The following COL24A1 variants were observed in gnomAD, a reference collection of about 807,000 sequenced individuals.
COL24A1 encodes the protein collagen alpha-1(XXIV) chain.
In COL24A1, 224 loss-of-function variants were observed where a neutral mutation model predicts 253.9. The ratio of observed to expected loss-of-function variants is 0.88; its 90% CI spans 0.79 to 0.99. COL24A1 has a LOEUF of 0.99. Ranked by LOEUF, COL24A1 falls within the 50% of genes least tolerant of loss-of-function variation. COL24A1 has a pLI of 0.00. For synonymous variants in COL24A1, 685 were observed against 673.7 expected, an observed-to-expected ratio of 1.02 and a Z score of -0.26; for missense variants, 2,131 against 2,068.5, an observed-to-expected ratio of 1.03 and a Z score of -0.59.
chr1:85,821,128 G>T (rs546349514), intron 45 of COL24A1, among the ~76,000 whole-genome samples: 12 of 152,156 alleles, frequency 7.9e-5, no homozygotes, highest in African/African-American at 2.7e-4. Flanking sequence ...TTGAGTCTTG[G>T]TCTTTGAGAG....
intron 19 of COL24A1, among the ~76,000 whole-genome samples, chr1:86,003,559 A>G (rs1273264570): frequency 6.6e-6 from 1 of 152,146 alleles, no homozygotes; most frequent in Non-Finnish European, 1.5e-5. Context: ...TCAGCTTGGT[A>G]GGCAGTTCTA....
chr1:86,017,816 C>G (rs1236468760), intron 18 of COL24A1, among the ~76,000 whole-genome samples: 2 of 152,148 alleles, frequency 1.3e-5, no homozygotes, highest in South Asian at 4.1e-4. Flanking sequence ...AAATGTCAAC[C>G]AATTTTACAA....
At chr1:86,007,719 T>C (rs1436018314) in intron 19 of COL24A1, among the ~76,000 whole-genome samples, 1 of 152,166 alleles carries the variant, frequency 6.6e-6, no homozygotes, top group Non-Finnish European at 1.5e-5. Context: ...AAAGGCTACA[T>C]ACTGTACGAT....
At position 86,112,145 on chromosome 1, in the gene COL24A1, C is replaced by T. The variant is rs77209044; in HGVS notation, c.1599+422G>A. On this transcript the variant is annotated intron_variant, in intron 5 of 59. Transcript: ENST00000370571. ...CATTTGTTCATTCTTTAAACATCCT[C>T]GGTTTTTTTTCAGGTAAAAATAATT... is the stretch of plus-strand genomic sequence containing the variant. Among the ~76,000 whole-genome samples the T allele has an allele frequency of 9.1e-3, 1,387 of 152,062 alleles. 24 individuals are homozygous for T. Among genetic ancestry groups the T allele is most frequent in the East Asian group, 0.074 (380 of 5,168 alleles).
intron 5 of COL24A1, among the ~76,000 whole-genome samples, chr1:86,108,704 G>A (rs1397643497): frequency 2.6e-5 from 4 of 151,098 alleles, no homozygotes; most frequent in African/African-American, 9.7e-5. Context: ...CTACTCAGGA[G>A]GCTGCAGCAG....
At chr1:86,006,716 A>T (rs1449565213) in intron 19 of COL24A1, among the ~76,000 whole-genome samples, 1 of 152,178 alleles carries the variant, frequency 6.6e-6, no homozygotes, top group African/African-American at 2.4e-5. Flanking sequence ...ACAGACGGGA[A>T]GAAAATATTT....
intron 19 of COL24A1, among the ~76,000 whole-genome samples, chr1:86,004,466 T>C (rs555613323): frequency 6.6e-6 from 1 of 152,288 alleles, no homozygotes; most frequent in South Asian, 2.1e-4. Flanking sequence ...CAGCCTCACA[T>C]AACATTGGAA....
rs537556187 is a variant in COL24A1, at chr1:85,909,884, T to C, written c.2670+66A>G. On this transcript the variant is annotated intron_variant, in intron 26 of 59. Transcript: ENST00000370571. ...TTAAATTCCAGCCCAGGCAATTCCA[T>C]CTCTGGAACGACTTGCTTTTATTGC... 45 of 1,304,538 alleles carry C rather than the reference T, an allele frequency of 3.4e-5. No homozygotes were observed. In the South Asian group the frequency reaches 4.0e-4, roughly 12 times the overall value. The allele number at this position is 1,304,538 out of a possible 1,614,324, so 80.8% of individuals were successfully genotyped here.
rs1040165665 is a variant in COL24A1 at position 85,866,727 on chromosome 1, T to C, written c.3300+1792A>G. On this transcript the variant is annotated intron_variant, in intron 37 of 59. Coordinates refer to ENST00000370571, the MANE Select transcript of COL24A1 (RefSeq NM_152890.7). ...AGGTGGAGGTTGCAGTGAGCCTAGA[T>C]CATGCCATTGCACTCCAGCCTGGGT... 3.9e-5 allele frequency among the ~76,000 whole-genome samples: 6 copies of C among 152,110 alleles called. No individual in the cohort carries two copies. The East Asian group carries it at 1.2e-3, about 29-fold the overall frequency.
At chr1:85,896,126 A>G in intron 29 of COL24A1, 61 bp from the exon 30 acceptor site, 6 of 1,480,200 alleles carry the variant, frequency 4.1e-6, no homozygotes, top group Non-Finnish European at 5.6e-6. Flanking sequence ...TTACTATGCT[A>G]GCATATGCTA....
chr1:85,948,381 G>C (rs1689535925), intron 24 of COL24A1, among the ~76,000 whole-genome samples: 1 of 150,976 alleles, frequency 6.6e-6, no homozygotes, highest in Admixed American at 6.6e-5. Context: ...AAAATTAGCC[G>C]GGCGTGGTAG....
chr1:85,936,549 T>G (rs1165665167), intron 24 of COL24A1, among the ~76,000 whole-genome samples: 1 of 146,624 alleles, frequency 6.8e-6, no homozygotes, highest in Non-Finnish European at 1.5e-5. Flanking sequence ...ATAAATAACA[T>G]AAAATTAGAT....
At chr1:85,828,552 G>T (rs1201468966) in intron 43 of COL24A1, among the ~76,000 whole-genome samples, 2 of 151,400 alleles carry the variant, frequency 1.3e-5, no homozygotes, top group African/African-American at 4.8e-5. Flanking sequence ...TATTGTGTGG[G>T]AGTCTAAGTC....
intron 24 of COL24A1, 38 bp downstream of exon 24, chr1:85,961,210 TA>T (rs1691020206): frequency 6.9e-7 from 1 of 1,442,438 alleles, no homozygotes; most frequent in East Asian, 2.3e-5. Context: ...TAAAAATGCT[TA>T]CAGCTGATTA....
intron 3 of COL24A1, among the ~76,000 whole-genome samples, chr1:86,121,072 A>G (rs772845416): frequency 3.3e-5 from 5 of 152,184 alleles, no homozygotes; most frequent in Admixed American, 6.5e-5. Context: ...TTTCTCACTC[A>G]TAGGTGGAAA....
chr1:85,838,576 T>G lies in COL24A1; in HGVS notation c.3681+9A>C. On this transcript the variant is annotated intron_variant, in intron 43 of 59. Coordinates refer to ENST00000370571, the MANE Select transcript of COL24A1 (RefSeq NM_152890.7). The stretch of plus-strand genomic sequence containing the variant: ...AAATTCATTAGTAAGGGGTATAACT[T>G]GCAATTACCTTATATCCCTCTGCTC... 6.2e-7 allele frequency: 1 copy of G among 1,613,222 alleles called. No homozygotes were observed. Among genetic ancestry groups the G allele is most frequent in the Non-Finnish European group, 8.5e-7 (1 of 1,179,180 alleles).
intron 50 of COL24A1, among the ~76,000 whole-genome samples, 199 bp from the exon 51 acceptor site, chr1:85,783,757 T>G (rs1669380267): frequency 6.6e-6 from 1 of 152,112 alleles, no homozygotes; most frequent in Non-Finnish European, 1.5e-5. Flanking sequence ...GAGGGATACG[T>G]AGATGGATAA....
chr1:85,993,304 C>T (rs932115735), intron 19 of COL24A1, among the ~76,000 whole-genome samples: 5 of 151,610 alleles, frequency 3.3e-5, no homozygotes, highest in African/African-American at 2.4e-5. Context: ...ATATATAGTC[C>T]CTCAAGTTAA....
chr1:85,776,105 C>T (rs1346093495), intron 52 of COL24A1, among the ~76,000 whole-genome samples: 1 of 151,948 alleles, frequency 6.6e-6, no homozygotes, highest in East Asian at 1.9e-4. Flanking sequence ...GGATGGTTTC[C>T]CTTCTCTTTC....
Sources: gnomAD v4.1 joint callset for allele counts (sites outside exome capture counted in the v4.1 genomes callset) on GRCh38, gnomAD v4.1.1 for gene constraint, MANE v1.5 for transcripts, NCBI Gene and HGNC (gene_info 2026-07-23, HGNC 2026-07-21) for gene names.